Variants in NFIB observed in about 807,000 individuals in gnomAD.
NFIB encodes nuclear factor 1 B-type.
A neutral mutation model predicts 61.5 loss-of-function variants in NFIB; 11 were observed. The ratio of observed to expected loss-of-function variants is 0.18; its 90% CI spans 0.11 to 0.30. The LOEUF is 0.30. Among genes scored for constraint, NFIB ranks in the 10% least tolerant of loss-of-function variants. The pLI, the probability that NFIB is intolerant of heterozygous loss-of-function variation, is 1.00. For synonymous variants in NFIB, 260 were observed against 216.5 expected (o/e 1.20, Z -1.76); for missense variants, 471 against 608.9 (o/e 0.77, Z 2.38).
rs2039662730 is a variant in NFIB, at chr9:14,126,484, AGTCTCCCCAGGATGAGGAAGG to A, written c.926-739_926-719del. 3.3e-5 allele frequency among the ~76,000 whole-genome samples: 5 copies of A among 152,368 alleles called. No individual in the cohort carries two copies. In the South Asian group the frequency reaches 6.2e-4, roughly 19 times the overall value. On this transcript the variant is annotated intron_variant, in intron 6 of 10. Coordinates refer to ENST00000380953, the MANE Select transcript of NFIB (RefSeq NM_001190737.2). ...CGATGTACAGGACAGATATCGTCTC[AGTCTCCCCAGGATGAGGAAGG>A]CATTTCTCATTGGTGCCATTTTCAA... is the stretch of plus-strand genomic sequence containing the variant.
intron 2 of NFIB, among the ~76,000 whole-genome samples, chr9:14,231,136 ATATATAT>A (rs1372502280): frequency 0.011 from 221 of 20,868 alleles, no homozygotes; most frequent in South Asian, 0.045. Flanking sequence ...AAAAAAAAAA[ATATATAT>A]ATATATATAT....
the NFIB span, among the ~76,000 whole-genome samples, chr9:14,492,464 A>T: frequency 5.9e-5 from 9 of 152,280 alleles, no homozygotes; most frequent in African/African-American, 2.2e-4. Flanking sequence ...GTTATACAGG[A>T]CGAATGATGC....
intron 10 of NFIB, among the ~76,000 whole-genome samples, chr9:14,099,613 C>T (rs896638566): frequency 6.6e-6 from 1 of 152,164 alleles, no homozygotes; most frequent in African/African-American, 2.4e-5. Flanking sequence ...TTTATTTATT[C>T]TGAACTGCAT....
chr9:14,116,343 TA>T lies in NFIB; in HGVS notation c.1248del (p.Asn417ThrfsTer6). 6.7e-7 allele frequency: 1 copy of T among 1,503,140 alleles called. No individual in the cohort carries two copies. Among genetic ancestry groups the T allele is most frequent in the Non-Finnish European group, 8.9e-7 (1 of 1,124,516 alleles). The allele number at this position is 1,503,140 out of a possible 1,614,324, so 93.1% of individuals were successfully genotyped here. On this transcript the variant is annotated frameshift_variant and splice_region_variant, in exon 9 of 11. Coordinates refer to ENST00000380953, the MANE Select transcript of NFIB (RefSeq NM_001190737.2). LOFTEE classifies it high-confidence loss of function. ...TTCCCTACTACTTGACCACTGCCGTTAGGCTACAAAACAAAAACAGAATGCC... is the reference window on the plus strand; with the variant it reads ...TTCCCTACTACTTGACCACTGCCGTTGGCTACAAAACAAAAACAGAATGCC... ...YDPSSPQTSQPNGSGQVVGKV... is the reference protein window; with the variant it reads ...YDPSSPQTSQXNGSGQVVGKV...
rs2032955807 is a variant in NFIB at position 14,086,969 on chromosome 9, C to T, written c.*1340G>A. ...AATACAAGAAATTTGTTGAACAAGG[C>T]TAATGTCTGAAAGCACCATGCAAGT... On this transcript the variant is annotated 3_prime_UTR_variant, in exon 11 of 11. Coordinates refer to ENST00000380953, the MANE Select transcript of NFIB (RefSeq NM_001190737.2). The T allele has an allele frequency of 4.9e-6, 1 of 202,862 alleles. No homozygotes were observed. The highest frequency in any genetic ancestry group is 6.0e-5 in the Admixed American group (1 of 16,656). The allele number at this position is 202,862 out of a possible 1,614,324, so 12.6% of individuals were successfully genotyped here.
intron 1 of NFIB, among the ~76,000 whole-genome samples, chr9:14,392,798 C>T (rs989345785): frequency 6.6e-5 from 10 of 152,058 alleles, no homozygotes; most frequent in African/African-American, 1.2e-4. Flanking sequence ...AAACTTAAAG[C>T]GTTTAGCACA....
intron 3 of NFIB, among the ~76,000 whole-genome samples, chr9:14,157,069 A>T (rs2043508409): frequency 6.6e-6 from 1 of 152,128 alleles, no homozygotes; most frequent in East Asian, 1.9e-4. Context: ...TTTGCCTCAG[A>T]TTCCTCACTT....
the NFIB span, among the ~76,000 whole-genome samples, chr9:14,488,310 C>T: frequency 6.6e-6 from 1 of 151,536 alleles, no homozygotes. Context: ...CTTCGGTGAG[C>T]CATGATCACA....
chr9:14,129,424 A>C (rs2040123578), intron 6 of NFIB, among the ~76,000 whole-genome samples: 1 of 151,240 alleles, frequency 6.6e-6, no homozygotes, highest in Admixed American at 6.6e-5. Context: ...AAAAAAAAAC[A>C]CCCTCTCTAG....
Position 14,269,492 on chromosome 9 carries a change from A to G in NFIB, c.562+37497T>C, listed in dbSNP as rs138735000. ...AGTGCTACTAATCAACAGAGAGGGCAATGAATGAATTCACCCATATACATC... is the reference window on the plus strand; with the variant it reads ...AGTGCTACTAATCAACAGAGAGGGCGATGAATGAATTCACCCATATACATC... On this transcript the variant is annotated intron_variant, in intron 2 of 10. Coordinates refer to ENST00000380953, the MANE Select transcript of NFIB (RefSeq NM_001190737.2). 3.5e-4 allele frequency among the ~76,000 whole-genome samples: 53 copies of G among 152,322 alleles called. 1 individual carries two copies. The East Asian group carries it at 8.7e-3, about 25-fold the overall frequency.
Position 14,112,984 on chromosome 9 carries a change from G to A in NFIB, c.1467+15C>T, listed in dbSNP as rs2037606993. The A allele has an allele frequency of 1.3e-6, 2 of 1,549,358 alleles. No homozygotes were observed. Among genetic ancestry groups the A allele is most frequent in the Non-Finnish European group, 1.7e-6 (2 of 1,146,330 alleles). Reference sequence around the variant, plus strand: ...AGCGTGGCTACACCGTCACACCTGGGTGAAACTTGCCCACCTGTTGCTGAT... The same window carrying A: ...AGCGTGGCTACACCGTCACACCTGGATGAAACTTGCCCACCTGTTGCTGAT... On this transcript the variant is annotated intron_variant, in intron 10 of 10. Transcript: ENST00000380953.
chr9:14,410,145 C>G, the NFIB span, among the ~76,000 whole-genome samples: 59,584 of 150,930 alleles, frequency 0.39, 12,561 homozygotes, highest in Admixed American at 0.58. Flanking sequence ...CAGTAAGTGA[C>G]ATGAGACAAT....
the NFIB span, among the ~76,000 whole-genome samples, chr9:14,404,824 G>A: frequency 6.6e-6 from 1 of 152,176 alleles, no homozygotes; most frequent in East Asian, 1.9e-4. Context: ...CATAATGACA[G>A]TATCTTGTTT....
At position 14,200,584 on chromosome 9, in the gene NFIB, T is replaced by A. The variant is rs187619051; in HGVS notation, c.563-20804A>T. On this transcript the variant is annotated intron_variant, in intron 2 of 10. Transcript: ENST00000380953. ...TACTTAGTTGACTTTTCACACTAAG[T>A]ATCCCTAGCTTTTGGAAATTCTCCT... 3.3e-5 allele frequency among the ~76,000 whole-genome samples: 5 copies of A among 152,282 alleles called. No individual in the cohort carries two copies. In the East Asian group the frequency reaches 9.7e-4, roughly 29 times the overall value.
chr9:14,266,576 T>C (rs1431658267), intron 2 of NFIB, among the ~76,000 whole-genome samples: 5 of 151,504 alleles, frequency 3.3e-5, no homozygotes, highest in South Asian at 2.1e-4. Flanking sequence ...GCCTAGACAA[T>C]AGAGCAAGAC....
At chr9:14,477,289 T>C in the NFIB span, among the ~76,000 whole-genome samples, 2 of 152,134 alleles carry the variant, frequency 1.3e-5, no homozygotes, top group South Asian at 2.1e-4. Flanking sequence ...AAAAAGAAAA[T>C]AATAAAGTAG....
At chr9:14,341,685 T>C (rs1588335315) in intron 1 of NFIB, among the ~76,000 whole-genome samples, 1 of 152,112 alleles carries the variant, frequency 6.6e-6, no homozygotes, top group East Asian at 1.9e-4. Flanking sequence ...AAAGGAAGTC[T>C]GAGGTGGGAA....
At chr9:14,370,714 C>T (rs563274994) in intron 1 of NFIB, among the ~76,000 whole-genome samples, 1 of 152,370 alleles carries the variant, frequency 6.6e-6, no homozygotes, top group East Asian at 1.9e-4. Context: ...GACTTGGAGA[C>T]TTTCTTACCC....
At chr9:14,123,167 G>C (rs1214954112) in intron 7 of NFIB, among the ~76,000 whole-genome samples, 1 of 151,006 alleles carries the variant, frequency 6.6e-6, no homozygotes, top group Non-Finnish European at 1.5e-5. Flanking sequence ...TGAGGCAGGA[G>C]AATTGCTTGA....
Sources: allele counts gnomAD v4.1 joint callset (sites outside exome capture counted in the v4.1 genomes callset), GRCh38; gene constraint gnomAD v4.1.1; transcripts MANE v1.5; gene names NCBI Gene and HGNC (gene_info 2026-07-23, HGNC 2026-07-21).